Variants in PCBP3 observed in about 807,000 individuals in gnomAD.
PCBP3 encodes the protein poly(rC)-binding protein 3.
A neutral mutation model predicts 52.7 loss-of-function variants in PCBP3; 25 were observed. That is an observed-to-expected ratio of 0.47 (90% CI 0.35 to 0.66). The LOEUF (loss-of-function observed/expected upper bound fraction) is 0.66. Ranked by LOEUF, PCBP3 falls within the 30% of genes least tolerant of loss-of-function variation. The probability of loss-of-function intolerance (pLI) is 0.01; values close to 1 mark genes in which losing one functional copy is unlikely to be tolerated. For synonymous variants in PCBP3, 162 were observed against 183.0 expected, an observed-to-expected ratio of 0.89 and a Z score of 0.93; for missense variants, 391 against 490.3, an observed-to-expected ratio of 0.80 and a Z score of 1.91.
At chr21:45,929,158 C>T (rs532747441) in intron 13 of PCBP3, among the ~76,000 whole-genome samples, 1 of 152,338 alleles carries the variant, frequency 6.6e-6, no homozygotes, top group African/African-American at 2.4e-5. Context: ...GGCATCAAAG[C>T]CCCCTTGAAA....
intron 5 of PCBP3, among the ~76,000 whole-genome samples, chr21:45,874,517 T>G (rs1432129522): frequency 1.3e-5 from 2 of 150,446 alleles, no homozygotes; most frequent in African/African-American, 4.9e-5. Flanking sequence ...TTTTTTTTTT[T>G]TTTTTGAGAC....
chr21:45,768,828 G>C (rs538160514), intron 4 of PCBP3, among the ~76,000 whole-genome samples: 1 of 152,338 alleles, frequency 6.6e-6, no homozygotes, highest in Admixed American at 6.5e-5. Flanking sequence ...CCTGTGAGCA[G>C]GGAGCCAGGC....
At chr21:45,882,699 A>G (rs756090927) in intron 5 of PCBP3, among the ~76,000 whole-genome samples, 20 of 152,136 alleles carry the variant, frequency 1.3e-4, no homozygotes, top group Non-Finnish European at 2.6e-4. Flanking sequence ...GTTGATTTTT[A>G]TAGATGGTGT....
chr21:45,750,809 G>A (rs1008404367), intron 3 of PCBP3: 1 of 152,152 alleles, frequency 6.6e-6, no homozygotes, highest in Non-Finnish European at 1.5e-5. Flanking sequence ...AACCCTGTTA[G>A]GGGTCAGAGC....
chr21:45,848,909 T>C (rs1324422042), intron 4 of PCBP3, among the ~76,000 whole-genome samples: 2 of 152,210 alleles, frequency 1.3e-5, no homozygotes, highest in Non-Finnish European at 2.9e-5. Flanking sequence ...TTTCTATTTA[T>C]TTTAAAAGCA....
At chr21:45,777,086 C>A (rs1019911771) in intron 4 of PCBP3, among the ~76,000 whole-genome samples, 1 of 152,092 alleles carries the variant, frequency 6.6e-6, no homozygotes, top group African/African-American at 2.4e-5. Context: ...TTGAGCATTT[C>A]GTGTAGGGAT....
chr21:45,843,475 C>G (rs2148041515), intron 4 of PCBP3, among the ~76,000 whole-genome samples: 1 of 152,182 alleles, frequency 6.6e-6, no homozygotes, highest in Non-Finnish European at 1.5e-5. Flanking sequence ...CTTTTTCTAA[C>G]TTTTTAAATG....
chr21:45,649,217 C>A (rs771844719), intron 1 of PCBP3, among the ~76,000 whole-genome samples: 1 of 152,142 alleles, frequency 6.6e-6, no homozygotes, highest in Non-Finnish European at 1.5e-5. Context: ...GGAAACTCCC[C>A]TTTTAAAACT....
intron 1 of PCBP3, among the ~76,000 whole-genome samples, chr21:45,658,248 C>T (rs979793630): frequency 8.5e-5 from 13 of 152,122 alleles, no homozygotes; most frequent in African/African-American, 2.4e-4. Flanking sequence ...AGATAAATCC[C>T]ACTTGTCATG....
At chr21:45,768,099 C>T (rs1431831566) in intron 4 of PCBP3, among the ~76,000 whole-genome samples, 3 of 152,258 alleles carry the variant, frequency 2.0e-5, no homozygotes, top group South Asian at 2.1e-4. Flanking sequence ...GGCTGCTTCC[C>T]TCCCAGCTGC....
At chr21:45,789,431 T>C (rs1279421055) in intron 4 of PCBP3, among the ~76,000 whole-genome samples, 1 of 148,198 alleles carries the variant, frequency 6.7e-6, no homozygotes, top group Non-Finnish European at 1.5e-5. Context: ...CATGTGTGTA[T>C]GTGTACACAT....
intron 1 of PCBP3, among the ~76,000 whole-genome samples, chr21:45,668,480 G>A (rs2080951369): frequency 6.7e-6 from 1 of 148,332 alleles, no homozygotes; most frequent in Admixed American, 6.7e-5. Context: ...CTCTAACTCT[G>A]TTTTGTCCTC....
At chr21:45,747,289 C>T (rs2146225143) in intron 3 of PCBP3, among the ~76,000 whole-genome samples, 1 of 152,356 alleles carries the variant, frequency 6.6e-6, no homozygotes, top group Middle Eastern at 3.4e-3. Context: ...TTACCTCCCA[C>T]TGGGTACCTC....
chr21:45,768,752 TGGCAGCAGGCTTTCCCA>T (rs1433313060), intron 4 of PCBP3, among the ~76,000 whole-genome samples: 1 of 152,210 alleles, frequency 6.6e-6, no homozygotes, highest in Non-Finnish European at 1.5e-5. Context: ...CTCCCCATGG[TGGCAGCAGGCTTTCCCA>T]GGGCGCCATC....
At chr21:45,668,587 G>A (rs1015502314) in intron 1 of PCBP3, among the ~76,000 whole-genome samples, 1 of 151,970 alleles carries the variant, frequency 6.6e-6, no homozygotes, top group African/African-American at 2.4e-5. Context: ...GTGGGGGGAT[G>A]GGAATAGGGC....
In PCBP3 at chr21:45,748,666, C is replaced by T. The variant is rs184169256; in HGVS notation, c.-161-6751C>T. 2.8e-3 allele frequency among the ~76,000 whole-genome samples: 423 copies of T among 152,372 alleles called. 3 individuals carry two copies. Among genetic ancestry groups the T allele is most frequent in the Middle Eastern group, 0.01 (3 of 294 alleles). On this transcript the variant is annotated intron_variant, in intron 3 of 17. Transcript: ENST00000681687. ...TACCTTCTTTGCTGAGCTTGTGCCT[C>T]TGGCCACATCCAGCAGGGCTGGTTG...
intron 2 of PCBP3, among the ~76,000 whole-genome samples, chr21:45,714,687 G>T (rs1274135591): frequency 6.6e-6 from 1 of 152,238 alleles, no homozygotes; most frequent in African/African-American, 2.4e-5. Context: ...ACGAATCCAT[G>T]AAATGTGAAT....
intron 2 of PCBP3, among the ~76,000 whole-genome samples, chr21:45,687,337 A>G (rs573215496): frequency 5.9e-5 from 9 of 152,342 alleles, no homozygotes; most frequent in Admixed American, 1.3e-4. Context: ...AGTTAGAGAA[A>G]GTTCTTAAGG....
At chr21:45,819,254 A>G (rs2147331513) in intron 4 of PCBP3, among the ~76,000 whole-genome samples, 1 of 152,272 alleles carries the variant, frequency 6.6e-6, no homozygotes, top group Non-Finnish European at 1.5e-5. Context: ...GGGGGTATAT[A>G]GGAAATCTCT....
Sources: allele counts gnomAD v4.1 joint callset (sites outside exome capture counted in the v4.1 genomes callset), GRCh38; gene constraint gnomAD v4.1.1; transcripts MANE v1.5; gene names NCBI Gene and HGNC (gene_info 2026-07-23, HGNC 2026-07-21).